Variants in MROH1 observed in about 807,000 individuals in gnomAD.
The protein encoded by MROH1 is maestro heat-like repeat-containing protein family member 1.
In MROH1, 117 loss-of-function variants were observed where a neutral mutation model predicts 116.5. That is an observed-to-expected ratio of 1.00 (90% confidence interval 0.86 to 1.17). MROH1 has a LOEUF of 1.17. Ranked by LOEUF, MROH1 falls within the 50% of genes most tolerant of loss-of-function variation. The probability of loss-of-function intolerance (pLI) is 0.00; values close to 1 mark genes in which losing one functional copy is unlikely to be tolerated. For missense variants in MROH1, 1,873 were observed against 1,338.5 expected (o/e 1.40, Z -6.23); for synonymous variants, 921 against 583.9 (o/e 1.58, Z -8.32).
chr8:144,192,514 C>A, intron 10 of MROH1, 113 bp downstream of exon 10: 1 of 872,344 alleles, frequency 1.1e-6, no homozygotes, highest in Non-Finnish European at 1.9e-6. Context: ...CCACGTGGGG[C>A]TGAGGACTGG....
intron 12 of MROH1, among the ~76,000 whole-genome samples, chr8:144,201,553 A>G (rs1831151126): frequency 6.6e-6 from 1 of 152,214 alleles, no homozygotes; most frequent in Non-Finnish European, 1.5e-5. Context: ...AAGCAAACAA[A>G]GGGACCACAT....
At chr8:144,250,134 A>G in intron 32 of MROH1, 78 bp from the exon 33 acceptor site, 1 of 717,072 alleles carries the variant, frequency 1.4e-6, no homozygotes, top group Non-Finnish European at 2.5e-6. Flanking sequence ...TCATGGCCCC[A>G]CCCCCTTGGG....
At chr8:144,154,270 G>C (rs984947708) in intron 1 of MROH1, among the ~76,000 whole-genome samples, 5 of 152,138 alleles carry the variant, frequency 3.3e-5, no homozygotes, top group African/African-American at 1.2e-4. Context: ...GTTTTACCAT[G>C]TTGGTCAGGC....
intron 29 of MROH1, 108 bp from the exon 30 acceptor site, chr8:144,247,193 C>T: frequency 5.8e-6 from 4 of 691,856 alleles, no homozygotes. Context: ...GCTTCGTGGA[C>T]ACCAGCAGCA....
At chr8:144,154,648 G>A (rs1490881653) in intron 1 of MROH1, among the ~76,000 whole-genome samples, 6 of 150,818 alleles carry the variant, frequency 4.0e-5, no homozygotes, top group Non-Finnish European at 8.9e-5. Flanking sequence ...CTGTGTAGCT[G>A]TGATTCAATA....
chr8:144,200,519 C>T lies in MROH1; in HGVS notation c.1119C>T (p.Val373=). The change falls in exon 12 of 44, where the codon GTC becomes GTT. Residue 373 remains valine, a synonymous_variant. Coordinates refer to ENST00000326134, the MANE Select transcript of MROH1 (RefSeq NM_032450.3). The part of the protein sequence containing the change: ...ERTRVGTLQV[V]RHVINSAAAQ... Reference sequence around the variant, plus strand: ...CCCGCGTGGGCACCCTGCAGGTGGTCAGACATGTCATCAACTCAGCTGGTG... The same window carrying T: ...CCCGCGTGGGCACCCTGCAGGTGGTTAGACATGTCATCAACTCAGCTGGTG... The T allele has an allele frequency of 6.4e-7, 1 of 1,551,102 alleles. No homozygotes were observed. The highest frequency in any genetic ancestry group is 2.0e-5 in the Admixed American group (1 of 51,036).
Position 144,259,007 on chromosome 8 carries a change from C to T in MROH1, c.3929+93C>T, listed in dbSNP as rs1306938377. Reference sequence around the variant, plus strand: ...TGACAGGATCAGGCGGGGGCCCATGCGTGTCAGGCCAATGGTGCCCTGGGC... The same window carrying T: ...TGACAGGATCAGGCGGGGGCCCATGTGTGTCAGGCCAATGGTGCCCTGGGC... On this transcript the variant is annotated intron_variant, in intron 36 of 43. Coordinates refer to ENST00000326134, the MANE Select transcript of MROH1 (RefSeq NM_032450.3). 8.4e-5 allele frequency: 54 copies of T among 644,830 alleles called. No homozygotes were observed. In the East Asian group the frequency reaches 1.4e-3, roughly 17 times the overall value. 39.9% of individuals were successfully genotyped at this position (644,830 alleles called of 1,614,324 possible).
chr8:144,192,014 G>A (rs898074483), intron 9 of MROH1, among the ~76,000 whole-genome samples, 159 bp downstream of exon 9: 43 of 152,268 alleles, frequency 2.8e-4, no homozygotes, highest in African/African-American at 9.4e-4. Flanking sequence ...CAGGGCCCTC[G>A]TGGGGACCAG....
chr8:144,248,691 C>T (rs989777851), intron 31 of MROH1, among the ~76,000 whole-genome samples, 186 bp from the exon 32 acceptor site: 2,861 of 152,260 alleles, frequency 0.019, 84 homozygotes, highest in African/African-American at 0.063. Context: ...TGGCAGGTTC[C>T]GGAGAAGGAG....
intron 14 of MROH1, among the ~76,000 whole-genome samples, chr8:144,224,326 T>C (rs907595821): frequency 3.9e-5 from 6 of 152,172 alleles, no homozygotes; most frequent in East Asian, 3.8e-4. Flanking sequence ...CTGGAGTGCA[T>C]TGGCGAGATC....
At chr8:144,172,559 G>A (rs1822763134) in intron 4 of MROH1, among the ~76,000 whole-genome samples, 1 of 151,740 alleles carries the variant, frequency 6.6e-6, no homozygotes, top group Non-Finnish European at 1.5e-5. Context: ...TTACAGACGC[G>A]TGCCACCACA....
chr8:144,176,666 T>C (rs1268335959), intron 4 of MROH1, among the ~76,000 whole-genome samples: 4 of 150,664 alleles, frequency 2.7e-5, no homozygotes, highest in Non-Finnish European at 5.9e-5. Context: ...CTGTCTCTAC[T>C]AAAAATACAA....
At position 144,165,744 on chromosome 8, in the gene MROH1, GT is replaced by G. The variant is rs1820659337; in HGVS notation, c.22+1897del. Among the ~76,000 whole-genome samples, 6 of 142,278 alleles carry G rather than the reference GT, an allele frequency of 4.2e-5. No homozygotes were observed. The South Asian group carries it at 1.3e-3, about 32-fold the overall frequency. The allele number at this position is 142,278 out of a possible 152,430, so 93.3% of individuals were successfully genotyped here. On this transcript the variant is annotated intron_variant, in intron 3 of 43. Transcript: ENST00000326134. ...TGCATGCCACTACGCCGTAATTTTTGTATTTTTTTTTTTTTTTTTGTAGAGA... is the reference window on the plus strand; with the variant it reads ...TGCATGCCACTACGCCGTAATTTTTGATTTTTTTTTTTTTTTTTGTAGAGA...
At chr8:144,206,525 C>T (rs1588163986) in intron 12 of MROH1, among the ~76,000 whole-genome samples, 1 of 151,206 alleles carries the variant, frequency 6.6e-6, no homozygotes, top group Non-Finnish European at 1.5e-5. Flanking sequence ...CGGGTTCAAG[C>T]GATTCTCCTG....
Position 144,249,449 on chromosome 8 carries a change from T to C in MROH1, c.3273+420T>C, listed in dbSNP as rs1842467506. ...GTTTTCACCCAACATGGTGGTATTT[T>C]CCAGCTGTGCAGTAAGCATTTGGCA... On this transcript the variant is annotated intron_variant, in intron 32 of 43. Transcript: ENST00000326134. Among the ~76,000 whole-genome samples, 3 of 152,270 alleles carry C rather than the reference T, an allele frequency of 2.0e-5. No individual in the cohort carries two copies. The South Asian group carries it at 6.2e-4, about 32-fold the overall frequency.
intron 7 of MROH1, among the ~76,000 whole-genome samples, chr8:144,186,815 G>T (rs545788057): frequency 6.6e-6 from 1 of 152,224 alleles, no homozygotes; most frequent in African/African-American, 2.4e-5. Flanking sequence ...AGGCTAGGCC[G>T]GGCGCGGTGG....
At chr8:144,230,078 T>C (rs189272803) in intron 14 of MROH1, among the ~76,000 whole-genome samples, 145 of 152,314 alleles carry the variant, frequency 9.5e-4, no homozygotes, top group African/African-American at 3.4e-3. Context: ...GCTAATCTCC[T>C]GGACAACTTG....
At chr8:144,151,372 A>T (rs1192157455) in intron 1 of MROH1, among the ~76,000 whole-genome samples, 1 of 151,954 alleles carries the variant, frequency 6.6e-6, no homozygotes, top group African/African-American at 2.4e-5. Flanking sequence ...CGAGGGGAAC[A>T]CGCCAGTGGA....
Position 144,247,629 on chromosome 8 carries a change from G to C in MROH1, c.3070G>C (p.Val1024Leu). Residue 1024 changes from valine (V) to leucine (L), a missense_variant, in exon 31 of 44, where the codon GTG becomes CTG. Val to Leu is a conservative substitution (Grantham distance 32). Transcript: ENST00000326134. ...ERLLSLKDGL[V>L]HPDPAILFHT... ...GCTCCTCAGCCTCAAGGACGGCCTC[G>C]TGCACCCTGACCCCGCCATTCTCTT... 1 of 766,846 alleles carries C rather than the reference G, an allele frequency of 1.3e-6. No individual in the cohort carries two copies. The highest frequency in any genetic ancestry group is 2.4e-6 in the Non-Finnish European group (1 of 415,764). 47.5% of individuals were successfully genotyped at this position (766,846 alleles called of 1,614,324 possible).
Sources: allele counts gnomAD v4.1 joint callset (sites outside exome capture counted in the v4.1 genomes callset), GRCh38; gene constraint gnomAD v4.1.1; transcripts MANE v1.5; gene names NCBI Gene and HGNC (gene_info 2026-07-23, HGNC 2026-07-21).